The following CUL3 variants were observed in gnomAD, a reference collection of about 807,000 sequenced individuals.
The protein encoded by CUL3 is cullin-3.
CUL3 carries 19 observed loss-of-function variants against 89.1 expected under a neutral mutation model. The observed-to-expected ratio is 0.21, with a 90% CI of 0.15 to 0.31. The LOEUF is 0.31. Among genes scored for constraint, CUL3 ranks in the 10% least tolerant of loss-of-function variants. The probability of loss-of-function intolerance (pLI) is 1.00; values close to 1 mark genes in which losing one functional copy is unlikely to be tolerated. For missense variants in CUL3, 469 were observed against 942.3 expected, an observed-to-expected ratio of 0.50 and a Z score of 6.58; for synonymous variants, 351 against 308.4, an observed-to-expected ratio of 1.14 and a Z score of -1.45.
At chr2:224,494,972 C>T (rs1406300707) in intron 13 of CUL3, 3 of 151,928 alleles carry the variant, frequency 2.0e-5, no homozygotes, top group African/African-American at 7.2e-5. Flanking sequence ...GAAAAAAATA[C>T]TCAGAGCACA....
At chr2:224,554,532 A>T (rs1161867877) in intron 2 of CUL3, among the ~76,000 whole-genome samples, 4 of 152,216 alleles carry the variant, frequency 2.6e-5, no homozygotes, top group Non-Finnish European at 5.9e-5. Flanking sequence ...CATTGCCTGA[A>T]TTCAGTTCCG....
chr2:224,478,417 T>TGTACATA (rs1691403336), intron 14 of CUL3, 72 bp from the exon 15 acceptor site: 1 of 1,466,214 alleles, frequency 6.8e-7, no homozygotes, highest in African/African-American at 1.4e-5. Flanking sequence ...CTTATTATAA[T>TGTACATA]TCAATGTAAT....
chr2:224,553,540 G>A (rs1017510702), intron 2 of CUL3, among the ~76,000 whole-genome samples: 13 of 152,192 alleles, frequency 8.5e-5, no homozygotes, highest in African/African-American at 3.1e-4. Context: ...AATGATAATT[G>A]TTATGGACTG....
At chr2:224,549,465 T>C (rs918134207) in intron 2 of CUL3, among the ~76,000 whole-genome samples, 1 of 152,216 alleles carries the variant, frequency 6.6e-6, no homozygotes, top group Non-Finnish European at 1.5e-5. Context: ...TAAAGTTCTT[T>C]GGGCTAAAAC....
At position 224,584,936 on chromosome 2, in the gene CUL3, A is replaced by C; in HGVS notation, c.66+8T>G. The C allele has an allele frequency of 6.8e-7, 1 of 1,476,258 alleles. No homozygotes were observed. The highest frequency in any genetic ancestry group is 1.2e-5 in the South Asian group (1 of 82,316). The allele number at this position is 1,476,258 out of a possible 1,614,324, so 91.4% of individuals were successfully genotyped here. A position where few individuals can be genotyped will look rare whatever the true frequency, so the allele number is the denominator to read the frequency against. On this transcript the variant is annotated splice_region_variant and intron_variant, in intron 1 of 15. Coordinates refer to ENST00000264414, the MANE Select transcript of CUL3 (RefSeq NM_003590.5). ...CCCCGGGGTCCCGGACGCCGAGGAG[A>C]GACTCACCGGAAAGGCCCGGATCCG...
At chr2:224,532,021 G>C (rs935582957) in intron 3 of CUL3, among the ~76,000 whole-genome samples, 1 of 152,172 alleles carries the variant, frequency 6.6e-6, no homozygotes, top group Non-Finnish European at 1.5e-5. Context: ...GAGAAAAAAA[G>C]AACTTATAAG....
intron 1 of CUL3, among the ~76,000 whole-genome samples, chr2:224,580,287 C>T (rs958665909): frequency 6.6e-6 from 1 of 152,208 alleles, no homozygotes; most frequent in Admixed American, 6.5e-5. Context: ...TGTCTTCCAT[C>T]TTAAAAAGAA....
chr2:224,547,003 C>A (rs914774123), intron 2 of CUL3, among the ~76,000 whole-genome samples: 4 of 152,162 alleles, frequency 2.6e-5, no homozygotes, highest in African/African-American at 9.7e-5. Context: ...TCTCTTCTCA[C>A]TCCTGTCACC....
intron 1 of CUL3, among the ~76,000 whole-genome samples, chr2:224,566,415 C>G (rs758801178): frequency 6.6e-6 from 1 of 152,226 alleles, no homozygotes; most frequent in Non-Finnish European, 1.5e-5. Context: ...TTGCACAGAA[C>G]AGCAGAGTTA....
In CUL3 at chr2:224,495,682, A is replaced by T. The variant is rs190871683; in HGVS notation, c.1842+150T>A. ...TAAGACATAACTCAATACATGTATG[A>T]TGTTCATACAGTTCCATGATCCATT... On this transcript the variant is annotated intron_variant, in intron 13 of 15. Transcript: ENST00000264414. 7 of 566,948 alleles carry T rather than the reference A, an allele frequency of 1.2e-5. No individual in the cohort carries two copies. The African/African-American group carries it at 1.3e-4, about 11-fold the overall frequency. The allele number at this position is 566,948 out of a possible 1,614,324, so 35.1% of individuals were successfully genotyped here.
intron 1 of CUL3, among the ~76,000 whole-genome samples, chr2:224,570,942 G>A (rs962268531): frequency 1.3e-5 from 2 of 152,196 alleles, no homozygotes; most frequent in African/African-American, 4.8e-5. Context: ...TTAAGTCACA[G>A]AGCAATTGAG....
rs1430085384 is a variant in CUL3, at chr2:224,557,118, A to G, written c.264+541T>C. Among the ~76,000 whole-genome samples the G allele has an allele frequency of 7.9e-5, 12 of 152,242 alleles. No individual in the cohort carries two copies. In the East Asian group the frequency reaches 2.3e-3, roughly 29 times the overall value. On this transcript the variant is annotated intron_variant, in intron 2 of 15. Coordinates refer to ENST00000264414, the MANE Select transcript of CUL3 (RefSeq NM_003590.5). ...TACATGCATTGGAAGAGTTCACTCTATAAAAACATTTGTTCTAAAAAAATA... is the reference window on the plus strand; with the variant it reads ...TACATGCATTGGAAGAGTTCACTCTGTAAAAACATTTGTTCTAAAAAAATA...
At chr2:224,564,178 T>G (rs1402536237) in intron 1 of CUL3, among the ~76,000 whole-genome samples, 1 of 152,096 alleles carries the variant, frequency 6.6e-6, no homozygotes, top group Non-Finnish European at 1.5e-5. Flanking sequence ...CTCAGCTACT[T>G]GGGAGGCTAG....
chr2:224,548,955 T>C (rs1343500485), intron 2 of CUL3, among the ~76,000 whole-genome samples: 1 of 151,604 alleles, frequency 6.6e-6, no homozygotes, highest in African/African-American at 2.4e-5. Flanking sequence ...TGAACCGAGA[T>C]TGTGCCAACG....
intron 2 of CUL3, among the ~76,000 whole-genome samples, chr2:224,556,594 A>G (rs889153242): frequency 6.6e-6 from 1 of 152,190 alleles, no homozygotes. Flanking sequence ...CCTGGATCAG[A>G]AAACAAATTG....
intron 10 of CUL3, 34 bp downstream of exon 10, chr2:224,502,931 G>A (rs2106194023): frequency 6.9e-7 from 1 of 1,446,950 alleles, no homozygotes; most frequent in Non-Finnish European, 9.7e-7. Flanking sequence ...GACTTTACAT[G>A]AATATCTAAG....
chr2:224,532,571 G>A (rs1319165084), intron 3 of CUL3, among the ~76,000 whole-genome samples: 1 of 152,062 alleles, frequency 6.6e-6, no homozygotes, highest in Non-Finnish European at 1.5e-5. Context: ...AGTTGAGGTA[G>A]AAGCTTAACT....
intron 3 of CUL3, among the ~76,000 whole-genome samples, chr2:224,533,923 A>T (rs1337622290): frequency 6.6e-6 from 1 of 152,224 alleles, no homozygotes; most frequent in African/African-American, 2.4e-5. Context: ...GCAGAACAAA[A>T]AACTTTACAG....
rs2106125641 is a variant in CUL3, at chr2:224,470,908, G to C, written c.*3337C>G. ...AATTTGTAACATGGAATATGGATAG[G>C]ATTAAACCTAGGTCCAACTCCTGGC... On this transcript the variant is annotated 3_prime_UTR_variant, in exon 16 of 16. Coordinates refer to ENST00000264414, the MANE Select transcript of CUL3 (RefSeq NM_003590.5). 4.4e-6 allele frequency: 1 copy of C among 228,800 alleles called. No homozygotes were observed. Among genetic ancestry groups the C allele is most frequent in the Non-Finnish European group, 8.7e-6 (1 of 115,384 alleles). 14.2% of individuals were successfully genotyped at this position (228,800 alleles called of 1,614,324 possible).
Sources: allele counts gnomAD v4.1 joint callset (sites outside exome capture counted in the v4.1 genomes callset), GRCh38; gene constraint gnomAD v4.1.1; transcripts MANE v1.5; gene names NCBI Gene and HGNC (gene_info 2026-07-23, HGNC 2026-07-21).